The following CACNA2D3 variants were observed in gnomAD, a reference collection of about 807,000 sequenced individuals.
CACNA2D3 encodes voltage-dependent calcium channel subunit alpha-2/delta-3.
CACNA2D3 carries 60 observed loss-of-function variants against 160.6 expected under a neutral mutation model. The observed-to-expected ratio is 0.37, with a 90% CI of 0.30 to 0.46. The LOEUF (loss-of-function observed/expected upper bound fraction) is 0.46, where lower values mean the gene tolerates loss of function less well. Among genes scored for constraint, CACNA2D3 ranks in the 20% least tolerant of loss-of-function variants. CACNA2D3 has a pLI of 1.00. For missense variants in CACNA2D3, 1,205 were observed against 1,365.0 expected (o/e 0.88, Z 1.85); for synonymous variants, 558 against 492.9 (o/e 1.13, Z -1.75).
intron 11 of CACNA2D3, among the ~76,000 whole-genome samples, chr3:54,723,858 CAACT>C (rs1701224056): frequency 6.6e-6 from 1 of 152,194 alleles, no homozygotes; most frequent in African/African-American, 2.4e-5. Flanking sequence ...GAAACTGCAT[CAACT>C]AACAGACAAA....
intron 2 of CACNA2D3, among the ~76,000 whole-genome samples, chr3:54,214,432 C>T (rs1201257412): frequency 6.6e-6 from 1 of 152,136 alleles, no homozygotes; most frequent in African/African-American, 2.4e-5. Flanking sequence ...AGCAGAGGCC[C>T]CTTCTCCCTG....
chr3:54,394,209 C>A (rs1477228620), intron 4 of CACNA2D3, among the ~76,000 whole-genome samples: 3 of 152,038 alleles, frequency 2.0e-5, no homozygotes, highest in East Asian at 3.9e-4. Flanking sequence ...GTCAGAGTTA[C>A]AACTACAACC....
intron 3 of CACNA2D3, among the ~76,000 whole-genome samples, chr3:54,386,434 C>G (rs1003575966): frequency 6.6e-6 from 1 of 152,142 alleles, no homozygotes; most frequent in Non-Finnish European, 1.5e-5. Context: ...CCTCAAGGAC[C>G]AGTGTCTGAA....
chr3:54,303,754 T>A (rs62254157), intron 2 of CACNA2D3, among the ~76,000 whole-genome samples: 33,974 of 151,586 alleles, frequency 0.22, 4,151 homozygotes, highest in South Asian at 0.34. Flanking sequence ...AGCTGCTATC[T>A]TGATCGATTA....
chr3:55,066,906 G>C (rs1359658687), intron 35 of CACNA2D3, among the ~76,000 whole-genome samples: 1 of 152,162 alleles, frequency 6.6e-6, no homozygotes, highest in Non-Finnish European at 1.5e-5. Context: ...ATGTCAGCCT[G>C]GCTGCTGGGC....
chr3:54,454,963 A>G lies in CACNA2D3; in HGVS notation c.382-48529A>G, dbSNP rs74562244. Among the ~76,000 whole-genome samples the G allele has an allele frequency of 9.8e-5, 15 of 152,294 alleles. 1 individual carries two copies. The East Asian group carries it at 2.7e-3, about 27-fold the overall frequency. Reference sequence around the variant, plus strand: ...AAGGCTGACTTGTATATAAATGTGTATACATTCCACATTTGCTCTGTTCAT... The same window carrying G: ...AAGGCTGACTTGTATATAAATGTGTGTACATTCCACATTTGCTCTGTTCAT... On this transcript the variant is annotated intron_variant, in intron 4 of 37. Coordinates refer to ENST00000474759, the MANE Select transcript of CACNA2D3 (RefSeq NM_018398.3).
At chr3:54,795,965 C>G (rs1007917280) in intron 13 of CACNA2D3, among the ~76,000 whole-genome samples, 1 of 152,094 alleles carries the variant, frequency 6.6e-6, no homozygotes, top group Non-Finnish European at 1.5e-5. Flanking sequence ...AAACCCCAGA[C>G]TTGGGGGCTG....
intron 5 of CACNA2D3, among the ~76,000 whole-genome samples, chr3:54,541,208 C>T (rs1474997610): frequency 1.1e-4 from 15 of 134,854 alleles, no homozygotes; most frequent in Non-Finnish European, 1.8e-4. Context: ...ACCTGGGAGG[C>T]AGAGCTTGCA....
chr3:54,410,583 C>T (rs1439516571), intron 4 of CACNA2D3, among the ~76,000 whole-genome samples: 3 of 152,122 alleles, frequency 2.0e-5, no homozygotes, highest in Non-Finnish European at 2.9e-5. Context: ...ATCTGTTTGC[C>T]GCATGGTTTA....
At chr3:54,252,075 TCCAA>T (rs1702199575) in intron 2 of CACNA2D3, among the ~76,000 whole-genome samples, 1 of 151,480 alleles carries the variant, frequency 6.6e-6, no homozygotes, top group African/African-American at 2.4e-5. Context: ...TCCCAGTGGT[TCCAA>T]TTTCTCTTTT....
At chr3:55,019,240 G>A (rs543931602) in intron 35 of CACNA2D3, among the ~76,000 whole-genome samples, 4 of 151,532 alleles carry the variant, frequency 2.6e-5, no homozygotes, top group South Asian at 2.1e-4. Context: ...ATATGACTTG[G>A]TATTTAAGAG....
chr3:54,466,509 C>T (rs552076780), intron 4 of CACNA2D3, among the ~76,000 whole-genome samples: 15 of 152,182 alleles, frequency 9.9e-5, no homozygotes, highest in South Asian at 6.2e-4. Flanking sequence ...TTTGCTGATC[C>T]GAGCCAAGTT....
intron 35 of CACNA2D3, among the ~76,000 whole-genome samples, chr3:55,040,312 T>C (rs1703929173): frequency 6.6e-6 from 1 of 152,182 alleles, no homozygotes; most frequent in Non-Finnish European, 1.5e-5. Flanking sequence ...CAACCCATAG[T>C]GTATCTCTTT....
chr3:54,691,193 G>A (rs1375571343), intron 11 of CACNA2D3, among the ~76,000 whole-genome samples: 1 of 152,142 alleles, frequency 6.6e-6, no homozygotes, highest in Non-Finnish European at 1.5e-5. Context: ...GAAAGAAAAC[G>A]AAGCTACGCT....
chr3:55,068,156 C>T (rs1232009641), intron 35 of CACNA2D3, among the ~76,000 whole-genome samples: 1 of 152,230 alleles, frequency 6.6e-6, no homozygotes, highest in Non-Finnish European at 1.5e-5. Context: ...GCAGCCAGCA[C>T]ACACTTGCCT....
At chr3:54,344,513 C>T (rs1460626195) in intron 3 of CACNA2D3, among the ~76,000 whole-genome samples, 2 of 152,190 alleles carry the variant, frequency 1.3e-5, no homozygotes, top group Non-Finnish European at 2.9e-5. Flanking sequence ...CCATACAATT[C>T]TTTTCTGCCT....
Position 55,004,802 on chromosome 3 carries a change from C to T in CACNA2D3, c.2730C>T (p.Asn910=), listed in dbSNP as rs375857915. ...LYDYQAMCRA[N]KESSDGAHGL... ...ACTACCAAGCCATGTGTAGAGCCAACAAGGAAAGCAGCGATGGCGCCCATG... is the reference window on the plus strand; with the variant it reads ...ACTACCAAGCCATGTGTAGAGCCAATAAGGAAAGCAGCGATGGCGCCCATG... Residue 910 remains asparagine, a synonymous_variant, in exon 32 of 38, where the codon AAC becomes AAT. Transcript: ENST00000474759. 1 of 1,613,496 alleles carries T rather than the reference C, an allele frequency of 6.2e-7. No individual in the cohort carries two copies. The highest frequency in any genetic ancestry group is 1.1e-5 in the South Asian group (1 of 91,048).
At position 54,742,447 on chromosome 3, in the gene CACNA2D3, A is replaced by T. The variant is rs528278261; in HGVS notation, c.1168-10152A>T. 2.7e-4 allele frequency among the ~76,000 whole-genome samples: 41 copies of T among 152,010 alleles called. No homozygotes were observed. In the South Asian group the frequency reaches 8.1e-3, roughly 30 times the overall value. ...AATAATAAATAAATAAATAAATAAA[A>T]TCAAGTAACTTACCCCAAGGCCTCA... is the stretch of plus-strand genomic sequence containing the variant. On this transcript the variant is annotated intron_variant, in intron 11 of 37. Transcript: ENST00000474759.
intron 11 of CACNA2D3, among the ~76,000 whole-genome samples, chr3:54,666,624 C>T (rs1247278524): frequency 6.6e-6 from 1 of 152,176 alleles, no homozygotes; most frequent in Non-Finnish European, 1.5e-5. Flanking sequence ...CATTAATCTC[C>T]TCTGATGTCT....
Sources: allele counts gnomAD v4.1 joint callset (sites outside exome capture counted in the v4.1 genomes callset), GRCh38; gene constraint gnomAD v4.1.1; transcripts MANE v1.5; gene names NCBI Gene and HGNC (gene_info 2026-07-23, HGNC 2026-07-21).